FOXK2: variants seen among roughly 807,000 people sequenced by gnomAD.
FOXK2 encodes forkhead box protein K2.
Under a neutral mutation model 53.3 loss-of-function variants are expected in FOXK2, and 24 were observed. That is an observed-to-expected ratio of 0.45 (90% confidence interval 0.33 to 0.63). The LOEUF (loss-of-function observed/expected upper bound fraction) is 0.63. Among genes scored for constraint, FOXK2 ranks in the 30% least tolerant of loss-of-function variants. The pLI is 0.03. For missense variants in FOXK2, 952 were observed against 910.5 expected, an observed-to-expected ratio of 1.05 and a Z score of -0.59; for synonymous variants, 505 against 407.1, an observed-to-expected ratio of 1.24 and a Z score of -2.89.
chr17:82,527,972 T>G (rs1174961200), intron 1 of FOXK2, among the ~76,000 whole-genome samples: 2 of 151,358 alleles, frequency 1.3e-5, no homozygotes, highest in Non-Finnish European at 2.9e-5. Flanking sequence ...GGCTAATTTA[T>G]TTTTTTTTGG....
chr17:82,537,655 G>A (rs912033562), intron 1 of FOXK2, among the ~76,000 whole-genome samples: 2 of 148,314 alleles, frequency 1.3e-5, no homozygotes, highest in African/African-American at 2.5e-5. Context: ...CCAGGCACAC[G>A]GTGGCTTATG....
At chr17:82,553,526 T>C (rs1686112967) in intron 1 of FOXK2, among the ~76,000 whole-genome samples, 2 of 152,252 alleles carry the variant, frequency 1.3e-5, no homozygotes, top group South Asian at 4.1e-4. Flanking sequence ...CAGGGGCTTT[T>C]GTTATGCAGG....
chr17:82,561,311 G>T (rs1052718071), intron 1 of FOXK2, among the ~76,000 whole-genome samples: 1 of 152,014 alleles, frequency 6.6e-6, no homozygotes. Context: ...CATATGAGGG[G>T]CCAGAGTGTA....
rs2044338397 is a variant in FOXK2, at chr17:82,519,734, C to T, written c.-155C>T. The T allele has an allele frequency of 6.1e-6, 1 of 164,572 alleles. No homozygotes were observed. The highest frequency in any genetic ancestry group is 1.9e-4 in the South Asian group (1 of 5,212). The allele number at this position is 164,572 out of a possible 1,614,324, so 10.2% of individuals were successfully genotyped here. On this transcript the variant is annotated 5_prime_UTR_variant, in exon 1 of 9. Transcript: ENST00000335255. ...GTGGCGCGGCCGCGCGTGCTCCCGC[C>T]CCTCGCCGCCGCTCGCTCGCTCGCC...
At chr17:82,545,295 C>T (rs144838451) in intron 1 of FOXK2, among the ~76,000 whole-genome samples, 15 of 152,290 alleles carry the variant, frequency 9.8e-5, no homozygotes, top group African/African-American at 3.6e-4. Flanking sequence ...GAATTCTAAA[C>T]CATAAATTAG....
At chr17:82,573,860 T>TA (rs1307465436) in intron 4 of FOXK2, among the ~76,000 whole-genome samples, 4 of 152,258 alleles carry the variant, frequency 2.6e-5, no homozygotes, top group Non-Finnish European at 1.5e-5. Context: ...ATTTGAGAAC[T>TA]ACCTATGAAC....
At chr17:82,576,417 T>C (rs1045401111) in intron 4 of FOXK2, among the ~76,000 whole-genome samples, 2 of 152,204 alleles carry the variant, frequency 1.3e-5, no homozygotes, top group East Asian at 1.9e-4. Flanking sequence ...GGTTAATGAA[T>C]ACAAGAAGGT....
At position 82,601,348 on chromosome 17, in the gene FOXK2, C is replaced by T. The variant is rs768236266; in HGVS notation, c.1832C>T (p.Ser611Leu). 3 of 1,613,306 alleles carry T rather than the reference C, an allele frequency of 1.9e-6. No individual in the cohort carries two copies. The highest frequency in any genetic ancestry group is 1.7e-6 in the Non-Finnish European group (2 of 1,180,028). Residue 611 changes from serine to leucine, a missense_variant, in exon 9 of 9, where the codon TCG becomes TTG. Ser to Leu is a moderately radical substitution (Grantham distance 145). Transcript: ENST00000335255. Reference sequence around the variant, plus strand: ...ATGTTGGCAACACACGCATCCGCATCGGCCTCCCTGCCCACAAAGCGCCAC... The same window carrying T: ...ATGTTGGCAACACACGCATCCGCATTGGCCTCCCTGCCCACAAAGCGCCAC... Reference protein sequence around the residue: ...LHMLATHASASASLPTKRHNG... With the variant: ...LHMLATHASALASLPTKRHNG...
intron 1 of FOXK2, among the ~76,000 whole-genome samples, chr17:82,522,453 A>C (rs531166472): frequency 6.8e-6 from 1 of 147,746 alleles, no homozygotes; most frequent in Non-Finnish European, 1.5e-5. Context: ...ACTGCAAGCT[A>C]TGCCTCCCGG....
rs138654812 is a variant in FOXK2, at chr17:82,535,748, G to GTTT, written c.419+15444_419+15446dup. ...TTATCTCTTTTAGTTGTGTGTTTTT[G>GTTT]TTTTTGTTTTTTTTTTGAGATGGAG... On this transcript the variant is annotated intron_variant, in intron 1 of 8. Transcript: ENST00000335255. Among the ~76,000 whole-genome samples the GTTT allele has an allele frequency of 1.2e-4, 17 of 140,114 alleles. 1 individual carries two copies. The highest frequency in any genetic ancestry group is 3.6e-4 in the Admixed American group (5 of 13,928). The allele number at this position is 140,114 out of a possible 152,430, so 91.9% of individuals were successfully genotyped here. A position where few individuals can be genotyped will look rare whatever the true frequency, so the allele number is the denominator to read the frequency against.
intron 5 of FOXK2, among the ~76,000 whole-genome samples, chr17:82,583,695 C>T (rs960257598): frequency 6.6e-6 from 1 of 152,130 alleles, no homozygotes; most frequent in Non-Finnish European, 1.5e-5. Context: ...CTTAAATGCC[C>T]ACGGACCTGC....
chr17:82,563,947 T>C (rs1042013605), intron 2 of FOXK2, among the ~76,000 whole-genome samples: 7 of 151,806 alleles, frequency 4.6e-5, no homozygotes, highest in African/African-American at 1.7e-4. Flanking sequence ...AGACAGGGTT[T>C]CACCATATTG....
intron 8 of FOXK2, chr17:82,595,659 TC>T (rs1330793960): frequency 8.3e-6 from 6 of 722,594 alleles, no homozygotes; most frequent in African/African-American, 1.9e-5. Flanking sequence ...TCACGGTTTT[TC>T]TTCGTTGAAA....
chr17:82,563,302 C>T (rs1023853191), intron 1 of FOXK2, 52 bp from the exon 2 acceptor site: 1 of 1,563,794 alleles, frequency 6.4e-7, no homozygotes, highest in African/African-American at 1.4e-5. Context: ...GGACTCTGCC[C>T]TGCCCCGGCT....
chr17:82,554,738 G>GTTTTTTTTTTTTTTTTT (rs78786521), intron 1 of FOXK2, among the ~76,000 whole-genome samples: 1 of 145,118 alleles, frequency 6.9e-6, no homozygotes, highest in Non-Finnish European at 1.5e-5. Flanking sequence ...ATCCAGTGAG[G>GTTTTTTTTTTTTTTTTT]TTTTTTTTTT....
intron 8 of FOXK2, chr17:82,596,048 G>T (rs1190543261): frequency 3.6e-6 from 4 of 1,119,860 alleles, no homozygotes; most frequent in South Asian, 4.0e-5. Flanking sequence ...CTGGCCTACC[G>T]CAGTGGCCCC....
At chr17:82,585,044 C>T (rs748626149) in intron 6 of FOXK2, among the ~76,000 whole-genome samples, 2 of 152,254 alleles carry the variant, frequency 1.3e-5, no homozygotes, top group Non-Finnish European at 2.9e-5. Context: ...AGAGAACAGC[C>T]CTCCCCTGCC....
chr17:82,529,866 T>C (rs1045904111), intron 1 of FOXK2, among the ~76,000 whole-genome samples: 1 of 152,220 alleles, frequency 6.6e-6, no homozygotes, highest in Non-Finnish European at 1.5e-5. Flanking sequence ...ATTGTTACGT[T>C]TGTAATGTGT....
chr17:82,528,090 G>A (rs1375304806), intron 1 of FOXK2, among the ~76,000 whole-genome samples: 1 of 152,134 alleles, frequency 6.6e-6, no homozygotes, highest in Non-Finnish European at 1.5e-5. Context: ...GAGCCACCCT[G>A]CCTGGCCTAT....
Sources: gnomAD v4.1 joint callset for allele counts (sites outside exome capture counted in the v4.1 genomes callset) on GRCh38, gnomAD v4.1.1 for gene constraint, MANE v1.5 for transcripts, NCBI Gene and HGNC (gene_info 2026-07-23, HGNC 2026-07-21) for gene names.